Variants in FAM120A observed in about 807,000 individuals in gnomAD.
FAM120A encodes the protein constitutive coactivator of PPAR-gamma-like protein 1.
A neutral mutation model predicts 109.7 loss-of-function variants in FAM120A; 15 were observed. The observed-to-expected ratio is 0.14, with a 90% CI of 0.09 to 0.21. The LOEUF is 0.21. Ranked by LOEUF, FAM120A falls within the 10% of genes least tolerant of loss-of-function variation. The pLI is 1.00. For synonymous variants in FAM120A, 493 were observed against 572.8 expected, an observed-to-expected ratio of 0.86 and a Z score of 1.99; for missense variants, 899 against 1,439.3, an observed-to-expected ratio of 0.62 and a Z score of 6.07.
chr9:93,544,166 C>T (rs751819020), intron 11 of FAM120A, among the ~76,000 whole-genome samples: 4 of 152,204 alleles, frequency 2.6e-5, no homozygotes, highest in Non-Finnish European at 4.4e-5. Context: ...TCCTTACGCA[C>T]ATTGTCCCGG....
At chr9:93,517,541 G>A (rs16909243) in intron 7 of FAM120A, among the ~76,000 whole-genome samples, 4,754 of 152,278 alleles carry the variant, frequency 0.031, 117 homozygotes, top group African/African-American at 0.054. Context: ...GCATTTTGTT[G>A]TAAAACGTGA....
At chr9:93,558,515 A>AC (rs1392343569) in intron 14 of FAM120A, 66 bp from the exon 15 acceptor site, 1 of 1,578,186 alleles carries the variant, frequency 6.3e-7, no homozygotes, top group East Asian at 2.3e-5. Flanking sequence ...CTGCCTGAAT[A>AC]CCCAGCAGGG....
intron 1 of FAM120A, among the ~76,000 whole-genome samples, chr9:93,468,327 G>T (rs757425270): frequency 5.3e-5 from 8 of 152,006 alleles, no homozygotes; most frequent in Non-Finnish European, 1.0e-4. Flanking sequence ...AATTTTTTTT[G>T]GTGCTTGCTG....
In FAM120A at chr9:93,556,601, G is replaced by A. The variant is rs557405853; in HGVS notation, c.2484+10G>A. 6.8e-6 allele frequency: 11 copies of A among 1,613,244 alleles called. No individual in the cohort carries two copies. The East Asian group carries it at 8.9e-5, about 13-fold the overall frequency. ...CCTCTGTGATGGTCAGGTATGCTGC[G>A]GGGCCGGGTGGCTGCCTTTAACTGC... On this transcript the variant is annotated intron_variant, in intron 13 of 17. Coordinates refer to ENST00000277165, the MANE Select transcript of FAM120A (RefSeq NM_014612.5).
At chr9:93,497,044 C>T (rs1564327384) in intron 3 of FAM120A, among the ~76,000 whole-genome samples, 2 of 152,154 alleles carry the variant, frequency 1.3e-5, no homozygotes, top group African/African-American at 4.8e-5. Flanking sequence ...AAAGATTCTA[C>T]TTGTGCAGGC....
intron 5 of FAM120A, among the ~76,000 whole-genome samples, chr9:93,505,215 C>T (rs1040316155): frequency 1.3e-5 from 2 of 151,982 alleles, no homozygotes; most frequent in Non-Finnish European, 2.9e-5. Flanking sequence ...CACTCGCCAC[C>T]ACGCCTGGCT....
At chr9:93,488,445 T>G (rs1859165632) in intron 3 of FAM120A, among the ~76,000 whole-genome samples, 1 of 151,942 alleles carries the variant, frequency 6.6e-6, no homozygotes, top group East Asian at 1.9e-4. Context: ...CTTTTTTTCC[T>G]CCTCGCCTCT....
intron 2 of FAM120A, among the ~76,000 whole-genome samples, 165 bp from the exon 3 acceptor site, chr9:93,476,091 C>T (rs537783168): frequency 6.6e-6 from 1 of 152,292 alleles, no homozygotes; most frequent in Admixed American, 6.5e-5. Context: ...GAAGCAGCTG[C>T]AAAGATTCTG....
At chr9:93,544,222 A>G (rs1460443979) in intron 11 of FAM120A, among the ~76,000 whole-genome samples, 1 of 152,222 alleles carries the variant, frequency 6.6e-6, no homozygotes, top group Non-Finnish European at 1.5e-5. Flanking sequence ...GACACACACC[A>G]TCCTCTTGTT....
intron 3 of FAM120A, 67 bp from the exon 4 acceptor site, chr9:93,497,404 T>C (rs762480366): frequency 1.3e-6 from 2 of 1,583,444 alleles, no homozygotes; most frequent in Non-Finnish European, 1.7e-6. Context: ...TTCTGGCTCC[T>C]GCATTCAGAT....
rs1857262193 is a variant in FAM120A at position 93,452,116 on chromosome 9, C to T, written c.201C>T (p.Ser67=). 1.2e-6 allele frequency: 2 copies of T among 1,610,370 alleles called. No individual in the cohort carries two copies. Among genetic ancestry groups the T allele is most frequent in the Non-Finnish European group, 8.5e-7 (1 of 1,179,388 alleles). Residue 67 remains serine (S), a synonymous_variant, in exon 1 of 18, where the codon AGC becomes AGT. Coordinates refer to ENST00000277165, the MANE Select transcript of FAM120A (RefSeq NM_014612.5). The surrounding 1 kb of genome is among the most constrained non-coding windows in gnomAD (Gnocchi z 7.0). ...GCGGCTTCTACACCGACTGGGTCAG[C>T]GGCGGCCAGTGGAACCACATGCTTG... The part of the protein sequence containing the change: ...LYGGFYTDWV[S]GGQWNHMLGY...
At chr9:93,487,553 G>A (rs1859117412) in intron 3 of FAM120A, among the ~76,000 whole-genome samples, 1 of 152,174 alleles carries the variant, frequency 6.6e-6, no homozygotes, top group Non-Finnish European at 1.5e-5. Context: ...CAATAAGTTT[G>A]CGTCCCAAAG....
intron 10 of FAM120A, among the ~76,000 whole-genome samples, chr9:93,537,409 G>C (rs754889806): frequency 6.6e-6 from 1 of 152,022 alleles, no homozygotes; most frequent in Non-Finnish European, 1.5e-5. Flanking sequence ...TCAGTGATTC[G>C]CACATTTTTA....
rs182595259 is a variant in FAM120A at position 93,477,129 on chromosome 9, C to T, written c.804+791C>T. ...ACTGCTTCCTTACAGTAAAGAGTGG[C>T]GGTTAAATTGGGTGTTTTCCGAAGG... On this transcript the variant is annotated intron_variant, in intron 3 of 17. Transcript: ENST00000277165. 3.0e-3 allele frequency among the ~76,000 whole-genome samples: 451 copies of T among 152,092 alleles called. 1 individual carries two copies. Among genetic ancestry groups the T allele is most frequent in the African/African-American group, 9.2e-3 (383 of 41,524 alleles).
chr9:93,455,828 A>G (rs1264436758), intron 1 of FAM120A, among the ~76,000 whole-genome samples: 1 of 151,978 alleles, frequency 6.6e-6, no homozygotes, highest in African/African-American at 2.4e-5. Context: ...ATGCCTGGCT[A>G]ATCTTTGTAT....
chr9:93,557,174 G>A (rs970594300), intron 13 of FAM120A, among the ~76,000 whole-genome samples: 8 of 140,620 alleles, frequency 5.7e-5, no homozygotes, highest in Admixed American at 2.2e-4. Context: ...TTGTCGCCCA[G>A]GCTGGAGTGC....
chr9:93,487,115 C>T (rs1859094761), intron 3 of FAM120A, among the ~76,000 whole-genome samples: 1 of 152,060 alleles, frequency 6.6e-6, no homozygotes, highest in Non-Finnish European at 1.5e-5. Context: ...ATCCTTTGCT[C>T]ATTTTAAAAT....
At position 93,556,655 on chromosome 9, in the gene FAM120A, G is replaced by A. The variant is rs1185445498; in HGVS notation, c.2484+64G>A. On this transcript the variant is annotated intron_variant, in intron 13 of 17. Coordinates refer to ENST00000277165, the MANE Select transcript of FAM120A (RefSeq NM_014612.5). ...GAAATAAAGCTCACTGGTTAAATCT[G>A]TCATCTTTTATACCATATTTATCAT... 4 of 1,475,332 alleles carry A rather than the reference G, an allele frequency of 2.7e-6. No homozygotes were observed. In the East Asian group the frequency reaches 9.1e-5, roughly 33 times the overall value. The allele number at this position is 1,475,332 out of a possible 1,614,324, so 91.4% of individuals were successfully genotyped here. A position where few individuals can be genotyped will look rare whatever the true frequency, so the allele number is the denominator to read the frequency against.
chr9:93,475,198 A>G (rs139030448), intron 2 of FAM120A, among the ~76,000 whole-genome samples: 48 of 152,362 alleles, frequency 3.2e-4, no homozygotes, highest in African/African-American at 1.1e-3. Flanking sequence ...TTTAAAGGTA[A>G]TTTTGTAAAA....
Sources: gnomAD v4.1 joint callset for allele counts (sites outside exome capture counted in the v4.1 genomes callset) on GRCh38, gnomAD v4.1.1 for gene constraint, Gnocchi (gnomAD v3.1) non-coding constraint, MANE v1.5 for transcripts, NCBI Gene and HGNC (gene_info 2026-07-23, HGNC 2026-07-21) for gene names.